Variants in DMBT1 observed in about 807,000 individuals in gnomAD.
DMBT1 encodes the protein scavenger receptor cysteine-rich domain-containing protein DMBT1.
A neutral mutation model predicts 252.9 loss-of-function variants in DMBT1; 198 were observed. The observed-to-expected ratio is 0.78, with a 90% confidence interval of 0.70 to 0.88. DMBT1 has a LOEUF of 0.88. Among genes scored for constraint, DMBT1 ranks in the 40% least tolerant of loss-of-function variants. The pLI is 0.00. For missense variants in DMBT1, 2,432 were observed against 2,404.7 expected, an observed-to-expected ratio of 1.01 and a Z score of -0.24; for synonymous variants, 990 against 942.7, an observed-to-expected ratio of 1.05 and a Z score of -0.92.
intron 17 of DMBT1, among the ~76,000 whole-genome samples, chr10:122,589,974 G>C (rs1007746815): frequency 6.7e-6 from 1 of 148,486 alleles, no homozygotes; most frequent in African/African-American, 2.4e-5. Context: ...GGCTCTCCAG[G>C]GTTCCATCTT....
At chr10:122,635,261 T>C (rs896315705) in intron 52 of DMBT1, among the ~76,000 whole-genome samples, 12 of 152,244 alleles carry the variant, frequency 7.9e-5, no homozygotes, top group Non-Finnish European at 1.6e-4. Flanking sequence ...AGAGAGATTA[T>C]TTGACTTGCC....
chr10:122,591,616 CTT>C, intron 19 of DMBT1, 99 bp downstream of exon 19: 1 of 1,300,374 alleles, frequency 7.7e-7, no homozygotes, highest in Non-Finnish European at 1.1e-6. Flanking sequence ...GGGCCCCTGT[CTT>C]TTTCACATCC....
Position 122,629,948 on chromosome 10 carries a change from A to T in DMBT1, c.5777A>T (p.Glu1926Val). The T allele has an allele frequency of 6.2e-7, 1 of 1,614,000 alleles. No homozygotes were observed. Among genetic ancestry groups the T allele is most frequent in the East Asian group, 2.2e-5 (1 of 44,880 alleles). The change falls in exon 47 of 56, where the codon GAA (glutamate) becomes GTA (valine). Residue 1926 changes from glutamate to valine, a missense_variant. By Grantham distance (121) the Glu-to-Val change is moderately radical (BLOSUM62 -2). Around this residue, in one of 3 missense-constraint regions of DMBT1, gnomAD observed 1,162 missense variants for 1,169.0 expected, o/e 0.99. Coordinates refer to ENST00000338354, the MANE Select transcript of DMBT1 (RefSeq NM_001377530.1). ...PNNAKCVWEI[E>V]VNSGYRINLG... Reference sequence around the variant, plus strand: ...AATGCTAAGTGTGTTTGGGAAATAGAAGTGAATTCTGGTTATCGCATAAAC... The same window carrying T: ...AATGCTAAGTGTGTTTGGGAAATAGTAGTGAATTCTGGTTATCGCATAAAC...
intron 43 of DMBT1, 120 bp from the exon 44 acceptor site, chr10:122,620,937 C>T (rs1335481646): frequency 6.5e-7 from 1 of 1,533,522 alleles, no homozygotes; most frequent in Non-Finnish European, 8.8e-7. Context: ...TATTCATATT[C>T]AAAGGTGATT....
chr10:122,591,442 C>T (rs371184887), intron 18 of DMBT1, 37 bp from the exon 19 acceptor site: 5 of 1,574,868 alleles, frequency 3.2e-6, no homozygotes, highest in African/African-American at 2.7e-5. Flanking sequence ...TCTCCCTCAA[C>T]TTTAATTCTA....
chr10:122,631,378 G>A, intron 49 of DMBT1, 97 bp downstream of exon 49: 1 of 1,476,074 alleles, frequency 6.8e-7, no homozygotes, highest in Non-Finnish European at 9.2e-7. Context: ...GCCCAGGCAG[G>A]AGCTGGTCAT....
chr10:122,620,987 G>C (rs146148535), intron 43 of DMBT1, 70 bp from the exon 44 acceptor site: 19 of 1,600,194 alleles, frequency 1.2e-5, no homozygotes, highest in African/African-American at 5.4e-5. Context: ...AGTGCCCTGA[G>C]TGTGGAACAT....
chr10:122,622,125 C>A (rs947914992), intron 44 of DMBT1, among the ~76,000 whole-genome samples: 1 of 152,210 alleles, frequency 6.6e-6, no homozygotes, highest in African/African-American at 2.4e-5. Context: ...CACATCCAGA[C>A]ACAGAGTTAA....
At chr10:122,598,420 A>G (rs547335013) in intron 25 of DMBT1, among the ~76,000 whole-genome samples, 11 of 152,228 alleles carry the variant, frequency 7.2e-5, no homozygotes, top group Admixed American at 2.0e-4. Flanking sequence ...AAGTCAGACA[A>G]GACCATAGGA....
Position 122,633,338 on chromosome 10 carries a change from T to C in DMBT1, c.6545T>C (p.Val2182Ala). Residue 2182 changes from valine (V) to alanine (A), a missense_variant, in exon 52 of 56, where the codon GTC (valine) becomes GCC (alanine). Physicochemically the swap from Val to Ala is moderately conservative, Grantham distance 64. This residue lies in a region of DMBT1 where 1,162 missense variants were observed against 1,169.0 expected (regional missense o/e 0.99). Coordinates refer to ENST00000338354, the MANE Select transcript of DMBT1 (RefSeq NM_001377530.1). ...NYRVTVIFRDVQLEGGCNYDY... is the reference protein window; with the variant it reads ...NYRVTVIFRDAQLEGGCNYDY... ...CGTGTGACTGTGATCTTCAGAGATG[T>C]CCAGTAAGTGTGCGCCCAGAAGAAT... 1.2e-6 allele frequency: 2 copies of C among 1,613,878 alleles called. No individual in the cohort carries two copies. Among genetic ancestry groups the C allele is most frequent in the Non-Finnish European group, 8.5e-7 (1 of 1,179,870 alleles).
intron 4 of DMBT1, among the ~76,000 whole-genome samples, 171 bp from the exon 5 acceptor site, chr10:122,572,143 C>T (rs1591184818): frequency 6.6e-6 from 1 of 152,156 alleles, no homozygotes; most frequent in Non-Finnish European, 1.5e-5. Context: ...CTTGGCCCAG[C>T]GTGGGACCAG....
At chr10:122,626,606 T>C (rs58067847) in intron 46 of DMBT1, among the ~76,000 whole-genome samples, 12,566 of 152,288 alleles carry the variant, frequency 0.083, 643 homozygotes, top group South Asian at 0.14. Context: ...TAACTTTTAC[T>C]GTGTTAGGTA....
Position 122,578,721 on chromosome 10 carries a change from G to C in DMBT1, c.641G>C (p.Ser214Thr). The C allele has an allele frequency of 6.2e-7, 1 of 1,608,736 alleles. No individual in the cohort carries two copies. Among genetic ancestry groups the C allele is most frequent in the South Asian group, 1.1e-5 (1 of 89,624 alleles). ...AQPQSTLRPE[S>T]WPVRISPPVP... Reference sequence around the variant, plus strand: ...TTCTCTTTGTTGCTGTTTACAGAAAGTTGGCCTGTCAGGATATCACCACCT... The same window carrying C: ...TTCTCTTTGTTGCTGTTTACAGAAACTTGGCCTGTCAGGATATCACCACCT... The change falls in exon 9 of 56, where the codon AGT becomes ACT. Residue 214 changes from serine to threonine, a missense_variant. Ser to Thr is a moderately conservative substitution (Grantham distance 58). Around this residue, in one of 3 missense-constraint regions of DMBT1, gnomAD observed 1,264 missense variants for 1,082.2 expected, o/e 1.17. Transcript: ENST00000338354.
At chr10:122,577,601 A>C (rs1417626600) in intron 7 of DMBT1, among the ~76,000 whole-genome samples, 1 of 152,048 alleles carries the variant, frequency 6.6e-6, no homozygotes, top group Non-Finnish European at 1.5e-5. Flanking sequence ...ATATCCCTGG[A>C]GAGTGAGCCA....
Position 122,598,223 on chromosome 10 carries a change from C to G in DMBT1, c.2956+211C>G, listed in dbSNP as rs60927558. Among the ~76,000 whole-genome samples the G allele has an allele frequency of 8.3e-3, 1,260 of 152,220 alleles. 17 individuals carry two copies. Among genetic ancestry groups the G allele is most frequent in the African/African-American group, 0.028 (1,159 of 41,516 alleles). ...CTGGTGACTTGTCTCCCGTGGAATC[C>G]TGTTCCAAGTGGTCAGGAAACATCC... On this transcript the variant is annotated intron_variant, in intron 25 of 55. Transcript: ENST00000338354.
In DMBT1 at chr10:122,643,147, C is replaced by A. The variant is rs1844872790; in HGVS notation, c.7378C>A (p.Pro2460Thr). 1 of 1,613,794 alleles carries A rather than the reference C, an allele frequency of 6.2e-7. No homozygotes were observed. Among genetic ancestry groups the A allele is most frequent in the Admixed American group, 1.7e-5 (1 of 59,992 alleles). ...SGCVRDDTYG[P>T]YSSPSLRIAR... ...ATGCGTGAGGGATGACACCTACGGA[C>A]CCTACTCCTCGCCATCTCTTCGCAT... Residue 2460 changes from proline (P) to threonine (T), a missense_variant, in exon 56 of 56, where the codon CCC becomes ACC. This residue lies in a region of DMBT1 where 1,162 missense variants were observed against 1,169.0 expected (regional missense o/e 0.99). Transcript: ENST00000338354.
Position 122,589,241 on chromosome 10 carries a change from A to C in DMBT1, c.2081A>C (p.His694Pro). 1.9e-6 allele frequency: 3 copies of C among 1,588,554 alleles called. 1 individual carries two copies. The South Asian group carries it at 3.5e-5, about 18-fold the overall frequency. Residue 694 changes from histidine (H) to proline (P), a missense_variant, in exon 17 of 56, where the codon CAT (histidine) becomes CCT (proline). Physicochemically the swap from His to Pro is moderately conservative, Grantham distance 77 (BLOSUM62 -2). Around this residue, in one of 3 missense-constraint regions of DMBT1, gnomAD observed 1,264 missense variants for 1,082.2 expected, o/e 1.17. Coordinates refer to ENST00000338354, the MANE Select transcript of DMBT1 (RefSeq NM_001377530.1). Reference sequence around the variant, plus strand: ...TGGCTCTCCCACAACTGTGGCCATCATGAAGATGCTGGTGTCATCTGCTCA... The same window carrying C: ...TGGCTCTCCCACAACTGTGGCCATCCTGAAGATGCTGGTGTCATCTGCTCA... ...NGWLSHNCGH[H>P]EDAGVICSAA...
At position 122,643,589 on chromosome 10, in the gene DMBT1, G is replaced by A; in HGVS notation, c.*191G>A. ...ATGGTCCTTGGAGGACCCGTTGCAG[G>A]GTGAGGTCAAGAGAGTTCTGACCTG... On this transcript the variant is annotated 3_prime_UTR_variant, in exon 56 of 56. Coordinates refer to ENST00000338354, the MANE Select transcript of DMBT1 (RefSeq NM_001377530.1). 1 of 818,328 alleles carries A rather than the reference G, an allele frequency of 1.2e-6. No individual in the cohort carries two copies. The highest frequency in any genetic ancestry group is 1.9e-6 in the Non-Finnish European group (1 of 537,294). The allele number at this position is 818,328 out of a possible 1,614,324, so 50.7% of individuals were successfully genotyped here.
At chr10:122,637,960 A>G (rs1245754964) in intron 54 of DMBT1, among the ~76,000 whole-genome samples, 1 of 152,196 alleles carries the variant, frequency 6.6e-6, no homozygotes, top group Non-Finnish European at 1.5e-5. Context: ...AGGTGGCTGC[A>G]ACTATGATTA....
Sources: gnomAD v4.1 joint callset for allele counts (sites outside exome capture counted in the v4.1 genomes callset) on GRCh38, gnomAD v4.1.1 for gene constraint, gnomAD v4.1.1 regional missense constraint, MANE v1.5 for transcripts, NCBI Gene and HGNC (gene_info 2026-07-23, HGNC 2026-07-21) for gene names.